SLC24A3: variants seen among roughly 807,000 people sequenced by gnomAD.
SLC24A3 encodes sodium/potassium/calcium exchanger 3.
SLC24A3 carries 28 observed loss-of-function variants against 75.8 expected under a neutral mutation model. The observed-to-expected ratio is 0.37, with a 90% CI of 0.27 to 0.51. The LOEUF (loss-of-function observed/expected upper bound fraction) is 0.51. Ranked by LOEUF, SLC24A3 falls within the 20% of genes least tolerant of loss-of-function variation. The probability of loss-of-function intolerance (pLI) is 0.94; values close to 1 mark genes in which losing one functional copy is unlikely to be tolerated. For synonymous variants in SLC24A3, 372 were observed against 334.1 expected (o/e 1.11, Z -1.24); for missense variants, 663 against 847.8 (o/e 0.78, Z 2.71).
intron 2 of SLC24A3, among the ~76,000 whole-genome samples, chr20:19,381,196 A>G (rs1237192708): frequency 2.0e-5 from 3 of 152,216 alleles, no homozygotes; most frequent in East Asian, 1.9e-4. Flanking sequence ...GTGAATGTTT[A>G]TTGAACACCC....
chr20:19,446,933 G>T (rs1221654880), intron 2 of SLC24A3, among the ~76,000 whole-genome samples: 2 of 152,138 alleles, frequency 1.3e-5, no homozygotes, highest in African/African-American at 2.4e-5. Flanking sequence ...TTGGCATTAG[G>T]CCTAACACTT....
intron 3 of SLC24A3, among the ~76,000 whole-genome samples, chr20:19,550,399 C>G (rs1446314119): frequency 6.6e-6 from 1 of 152,172 alleles, no homozygotes; most frequent in Non-Finnish European, 1.5e-5. Context: ...GAACTTAGCA[C>G]TTCTCTCAAA....
intron 2 of SLC24A3, among the ~76,000 whole-genome samples, chr20:19,509,117 T>C (rs1988500538): frequency 6.6e-6 from 1 of 151,962 alleles, no homozygotes; most frequent in Admixed American, 6.6e-5. Flanking sequence ...TCACATTCAC[T>C]ATCTACACTC....
At chr20:19,241,549 G>A (rs937091650) in intron 1 of SLC24A3, among the ~76,000 whole-genome samples, 26 of 152,216 alleles carry the variant, frequency 1.7e-4, no homozygotes, top group Non-Finnish European at 4.4e-5. Context: ...GCTCTGCCAG[G>A]TCTGAATTCT....
intron 1 of SLC24A3, among the ~76,000 whole-genome samples, chr20:19,264,781 TTG>T: frequency 6.6e-6 from 1 of 150,904 alleles, no homozygotes; most frequent in Non-Finnish European, 1.5e-5. Flanking sequence ...TCTGGGGAGT[TTG>T]TGCTCCTGGA....
intron 2 of SLC24A3, among the ~76,000 whole-genome samples, chr20:19,403,689 G>A (rs1025879480): frequency 6.6e-6 from 1 of 152,204 alleles, no homozygotes. Context: ...GTCACGCAGA[G>A]ATGTAGCAGC....
rs771768204 is a variant in SLC24A3, at chr20:19,281,097, C to T, written c.271+10C>T. 8 of 1,613,920 alleles carry T rather than the reference C, an allele frequency of 5.0e-6. No homozygotes were observed. Among genetic ancestry groups the T allele is most frequent in the Non-Finnish European group, 6.8e-6 (8 of 1,179,842 alleles). On this transcript the variant is annotated intron_variant, in intron 2 of 16. Transcript: ENST00000328041. ...AACTGCACCGAACCAGGTAACAGTG[C>T]TGACTACTCATGGGCAGCAGCTGTC... is the stretch of plus-strand genomic sequence containing the variant.
chr20:19,515,556 G>A lies in SLC24A3; in HGVS notation c.340G>A (p.Val114Met), dbSNP rs766807269. Residue 114 changes from valine (V) to methionine (M), a missense_variant, in exon 3 of 17, where the codon GTG becomes ATG. Val to Met is a conservative substitution (Grantham distance 21, BLOSUM62 1). Coordinates refer to ENST00000328041, the MANE Select transcript of SLC24A3 (RefSeq NM_020689.4). ...AAGACAAGGTGCGGTGGTCCTCCAT[G>A]TGCTCTGTGTAAGTACCCCTCTGTG... ...DRRQGAVVLHVLCAIYMFYAL... is the reference protein window; with the variant it reads ...DRRQGAVVLHMLCAIYMFYAL... 45 of 1,614,046 alleles carry A rather than the reference G, an allele frequency of 2.8e-5. No homozygotes were observed. The highest frequency in any genetic ancestry group is 5.0e-5 in the Admixed American group (3 of 60,010).
At chr20:19,364,318 G>A (rs182854346) in intron 2 of SLC24A3, among the ~76,000 whole-genome samples, 2 of 152,172 alleles carry the variant, frequency 1.3e-5, no homozygotes, top group East Asian at 1.9e-4. Context: ...ACAGAATGAG[G>A]GGAATGAGGG....
intron 2 of SLC24A3, among the ~76,000 whole-genome samples, chr20:19,365,499 A>G (rs538191482): frequency 1.1e-4 from 17 of 152,288 alleles, no homozygotes; most frequent in African/African-American, 3.4e-4. Context: ...CAGAGTTTCT[A>G]TATGGGAATG....
intron 6 of SLC24A3, among the ~76,000 whole-genome samples, chr20:19,601,272 A>G (rs972458902): frequency 6.6e-6 from 1 of 152,020 alleles, no homozygotes; most frequent in Non-Finnish European, 1.5e-5. Flanking sequence ...CCACTTTTTC[A>G]TGGGGCCCTC....
At chr20:19,243,315 C>G (rs1304800903) in intron 1 of SLC24A3, among the ~76,000 whole-genome samples, 1 of 152,202 alleles carries the variant, frequency 6.6e-6, no homozygotes, top group African/African-American at 2.4e-5. Flanking sequence ...TTCCAAAGCA[C>G]AACTGTTACG....
At chr20:19,570,212 G>A (rs2031031404) in intron 3 of SLC24A3, among the ~76,000 whole-genome samples, 1 of 152,140 alleles carries the variant, frequency 6.6e-6, no homozygotes, top group Admixed American at 6.5e-5. Context: ...AGAGCAGGGG[G>A]AAGTGCTACA....
intron 4 of SLC24A3, among the ~76,000 whole-genome samples, chr20:19,582,314 G>A (rs190874407): frequency 8.5e-5 from 13 of 152,280 alleles, no homozygotes; most frequent in Admixed American, 3.3e-4. Context: ...ATGGTTACTC[G>A]TAGACTAAAA....
intron 6 of SLC24A3, among the ~76,000 whole-genome samples, chr20:19,600,189 C>T (rs531576556): frequency 1.6e-3 from 242 of 152,250 alleles, no homozygotes; most frequent in Non-Finnish European, 1.8e-3. Flanking sequence ...AGCCTCCCCT[C>T]GGCCCCAGCT....
chr20:19,550,945 G>T (rs2030684098), intron 3 of SLC24A3, among the ~76,000 whole-genome samples: 1 of 152,212 alleles, frequency 6.6e-6, no homozygotes, highest in South Asian at 2.1e-4. Flanking sequence ...AAATGAGAGT[G>T]GTGAGGAAAG....
At chr20:19,426,410 G>T (rs1459923212) in intron 2 of SLC24A3, among the ~76,000 whole-genome samples, 2 of 152,188 alleles carry the variant, frequency 1.3e-5, no homozygotes, top group Non-Finnish European at 2.9e-5. Flanking sequence ...TATATTATTT[G>T]TGGTTAGATT....
intron 2 of SLC24A3, among the ~76,000 whole-genome samples, chr20:19,393,750 T>C (rs1409575689): frequency 6.6e-6 from 1 of 152,198 alleles, no homozygotes; most frequent in East Asian, 1.9e-4. Flanking sequence ...ATTTATGTAA[T>C]TGGAATAGTT....
chr20:19,515,769 C>A (rs1025404702), intron 3 of SLC24A3, among the ~76,000 whole-genome samples: 3 of 152,196 alleles, frequency 2.0e-5, no homozygotes, highest in Non-Finnish European at 4.4e-5. Context: ...ATCTGTTATG[C>A]ACTTTCCCTT....
Sources: allele counts gnomAD v4.1 joint callset (sites outside exome capture counted in the v4.1 genomes callset), GRCh38; gene constraint gnomAD v4.1.1; transcripts MANE v1.5; gene names NCBI Gene and HGNC (gene_info 2026-07-23, HGNC 2026-07-21).